Variants in GALNT13 observed in about 807,000 individuals in gnomAD.
GALNT13 encodes the protein polypeptide N-acetylgalactosaminyltransferase 13, also known as UDP-GalNAc:polypeptide N-acetylgalactosaminyltransferase 13.
Under a neutral mutation model 64.2 loss-of-function variants are expected in GALNT13, and 28 were observed. The observed-to-expected ratio is 0.44, with a 90% CI of 0.32 to 0.60. The LOEUF is 0.60. Ranked by LOEUF, GALNT13 falls within the 20% of genes least tolerant of loss-of-function variation. The probability of loss-of-function intolerance (pLI) is 0.05; values close to 1 mark genes in which losing one functional copy is unlikely to be tolerated. For missense variants in GALNT13, 577 were observed against 669.8 expected (o/e 0.86, Z 1.53); for synonymous variants, 214 against 224.6 (o/e 0.95, Z 0.42).
At chr2:153,388,289 G>T in the GALNT13 span, among the ~76,000 whole-genome samples, 1 of 152,054 alleles carries the variant, frequency 6.6e-6, no homozygotes, top group Non-Finnish European at 1.5e-5. Flanking sequence ...GCTCCTCAAA[G>T]ATCTAGTGGT....
At chr2:153,164,391 TG>T in the GALNT13 span, among the ~76,000 whole-genome samples, 13 of 152,298 alleles carry the variant, frequency 8.5e-5, no homozygotes, top group Non-Finnish European at 1.2e-4. Context: ...TTTTACTATA[TG>T]TTTTTTTGGG....
chr2:153,220,861 C>A, the GALNT13 span, among the ~76,000 whole-genome samples: 7 of 152,152 alleles, frequency 4.6e-5, no homozygotes, highest in African/African-American at 1.7e-4. Context: ...TATCAATGAT[C>A]ATTTTAAATG....
chr2:153,180,961 T>A, the GALNT13 span, among the ~76,000 whole-genome samples: 18,903 of 150,032 alleles, frequency 0.13, 1,491 homozygotes, highest in Non-Finnish European at 0.17. Flanking sequence ...TCAAAATAAT[T>A]TAGTTGCATT....
At chr2:154,379,784 A>G (rs912777276) in intron 9 of GALNT13, among the ~76,000 whole-genome samples, 11 of 152,088 alleles carry the variant, frequency 7.2e-5, no homozygotes, top group Non-Finnish European at 1.3e-4. Flanking sequence ...CTCTTAACTC[A>G]GTAAATACTG....
At chr2:153,268,223 G>A in the GALNT13 span, among the ~76,000 whole-genome samples, 1 of 152,204 alleles carries the variant, frequency 6.6e-6, no homozygotes, top group African/African-American at 2.4e-5. Flanking sequence ...CAATGGTGGG[G>A]GGTGGCACAG....
chr2:153,162,961 T>C, the GALNT13 span, among the ~76,000 whole-genome samples: 1 of 152,050 alleles, frequency 6.6e-6, no homozygotes, highest in African/African-American at 2.4e-5. Flanking sequence ...CTCTCTCAAG[T>C]CGATTGAAAG....
intron 8 of GALNT13, among the ~76,000 whole-genome samples, chr2:154,285,646 A>T (rs1054524448): frequency 4.6e-5 from 7 of 152,146 alleles, no homozygotes; most frequent in African/African-American, 1.7e-4. Context: ...GAAATCAGGA[A>T]ATGTGATGCT....
At chr2:153,554,684 CTG>C in the GALNT13 span, among the ~76,000 whole-genome samples, 43 of 127,264 alleles carry the variant, frequency 3.4e-4, no homozygotes, top group Non-Finnish European at 6.2e-4. Context: ...GTGTGTGTGT[CTG>C]TGTACGCGCA....
At chr2:153,696,478 A>G in the GALNT13 span, among the ~76,000 whole-genome samples, 4 of 152,184 alleles carry the variant, frequency 2.6e-5, no homozygotes, top group Admixed American at 1.3e-4. Context: ...GTATGCTTCA[A>G]TCCAATCAAA....
At chr2:153,397,439 A>C in the GALNT13 span, among the ~76,000 whole-genome samples, 1 of 152,132 alleles carries the variant, frequency 6.6e-6, no homozygotes, top group Non-Finnish European at 1.5e-5. Context: ...TCACTGGTGC[A>C]CTGACTTTTC....
chr2:153,835,089 C>T, the GALNT13 span, among the ~76,000 whole-genome samples: 85 of 152,040 alleles, frequency 5.6e-4, 1 homozygote, highest in East Asian at 0.01. Flanking sequence ...AAGTTGCCTC[C>T]TCTCATGGTA....
At chr2:153,205,950 G>A in the GALNT13 span, among the ~76,000 whole-genome samples, 9 of 151,706 alleles carry the variant, frequency 5.9e-5, no homozygotes, top group African/African-American at 9.7e-5. Flanking sequence ...ATCAAACTTA[G>A]TGTAATGATT....
At chr2:153,159,214 A>G in the GALNT13 span, 1 of 152,248 alleles carries the variant, frequency 6.6e-6, no homozygotes, top group Non-Finnish European at 1.5e-5. Context: ...AAAGAAATAT[A>G]TGTAATTACC....
chr2:153,770,220 T>G, the GALNT13 span, among the ~76,000 whole-genome samples: 1 of 137,310 alleles, frequency 7.3e-6, no homozygotes, highest in African/African-American at 2.7e-5. Context: ...TCTCCCCTTA[T>G]TTTTTGAGTT....
the GALNT13 span, among the ~76,000 whole-genome samples, chr2:153,534,968 A>G: frequency 3.3e-5 from 5 of 151,990 alleles, no homozygotes; most frequent in African/African-American, 1.2e-4. Flanking sequence ...TTTTTATATT[A>G]ATGAGAAAAA....
chr2:153,397,261 T>C, the GALNT13 span, among the ~76,000 whole-genome samples: 2 of 152,130 alleles, frequency 1.3e-5, no homozygotes. Context: ...GTCTCCAGGG[T>C]GTATGTTCAA....
the GALNT13 span, among the ~76,000 whole-genome samples, chr2:153,270,431 C>A: frequency 2.0e-4 from 31 of 152,274 alleles, no homozygotes; most frequent in Non-Finnish European, 3.7e-4. Flanking sequence ...GATTCTGCAA[C>A]CTGCAAGTGA....
At chr2:153,260,525 C>G in the GALNT13 span, among the ~76,000 whole-genome samples, 4 of 152,082 alleles carry the variant, frequency 2.6e-5, no homozygotes, top group African/African-American at 7.2e-5. Context: ...TCATGTCATG[C>G]TCTCCTGGCC....
chr2:153,461,420 C>T, the GALNT13 span, among the ~76,000 whole-genome samples: 1 of 151,970 alleles, frequency 6.6e-6, no homozygotes, highest in Non-Finnish European at 1.5e-5. Flanking sequence ...ACTTAGAACC[C>T]CTTCCTTCAG....
Sources: gnomAD v4.1 joint callset for allele counts (sites outside exome capture counted in the v4.1 genomes callset) on GRCh38, gnomAD v4.1.1 for gene constraint, MANE v1.5 for transcripts, NCBI Gene and HGNC (gene_info 2026-07-23, HGNC 2026-07-21) for gene names.